Variants in SGCD observed in about 807,000 individuals in gnomAD.
SGCD encodes the protein delta-sarcoglycan.
SGCD carries 18 observed loss-of-function variants against 36.6 expected under a neutral mutation model. The ratio of observed to expected loss-of-function variants is 0.49; its 90% CI spans 0.34 to 0.73. SGCD has a LOEUF of 0.73. Ranked by LOEUF, SGCD falls within the 30% of genes least tolerant of loss-of-function variation. The pLI is 0.01. For synonymous variants in SGCD, 133 were observed against 130.6 expected (o/e 1.02, Z -0.12); for missense variants, 387 against 346.7 (o/e 1.12, Z -0.92).
At chr5:156,359,645 A>G (rs925540290) in intron 3 of SGCD, among the ~76,000 whole-genome samples, 1 of 152,136 alleles carries the variant, frequency 6.6e-6, no homozygotes. Flanking sequence ...TCAGAGCCTT[A>G]GTCTCTGTGC....
chr5:156,071,083 T>A (rs1271290869), intron 1 of SGCD, among the ~76,000 whole-genome samples: 1 of 152,196 alleles, frequency 6.6e-6, no homozygotes, highest in East Asian at 1.9e-4. Context: ...AAAAAGCAGC[T>A]CCTGGATTCA....
At chr5:156,169,316 G>C (rs1041217870) in intron 3 of SGCD, among the ~76,000 whole-genome samples, 24 of 152,142 alleles carry the variant, frequency 1.6e-4, no homozygotes, top group Admixed American at 1.6e-3. Flanking sequence ...GCTAAGCAGC[G>C]GTCTTGTCGC....
chr5:156,310,656 G>A (rs1308417372), intron 3 of SGCD, among the ~76,000 whole-genome samples: 1 of 152,140 alleles, frequency 6.6e-6, no homozygotes, highest in African/African-American at 2.4e-5. Flanking sequence ...GATTTCTGGT[G>A]CTTCTTACCT....
intron 4 of SGCD, among the ~76,000 whole-genome samples, chr5:156,527,607 CT>C (rs756056036): frequency 2.0e-5 from 3 of 152,190 alleles, no homozygotes; most frequent in Non-Finnish European, 4.4e-5. Flanking sequence ...GTCTCAGTTT[CT>C]TTATCTGTGA....
At position 156,767,615 on chromosome 5, in the gene SGCD, T is replaced by C. The variant is rs1481312385; in HGVS notation, c.*8225T>C. ...CTTTTTAGTTTTGTTTTGAATAACA[T>C]CAATCCTTGCACACTCTATGCAAAA... On this transcript the variant is annotated 3_prime_UTR_variant, in exon 9 of 9. Coordinates refer to ENST00000337851, the MANE Select transcript of SGCD (RefSeq NM_000337.6). The C allele has an allele frequency of 6.6e-6, 1 of 152,108 alleles. No individual in the cohort carries two copies. Among genetic ancestry groups the C allele is most frequent in the Non-Finnish European group, 1.5e-5 (1 of 68,012 alleles). 9.4% of individuals were successfully genotyped at this position (152,108 alleles called of 1,614,324 possible).
chr5:155,744,932 G>T, the SGCD span, among the ~76,000 whole-genome samples: 6 of 152,324 alleles, frequency 3.9e-5, no homozygotes, highest in African/African-American at 9.6e-5. Context: ...TAGACAAATT[G>T]TAGTGAAATT....
At chr5:156,639,482 A>T (rs1267703895) in intron 6 of SGCD, among the ~76,000 whole-genome samples, 3 of 152,156 alleles carry the variant, frequency 2.0e-5, no homozygotes, top group Admixed American at 6.5e-5. Context: ...GCTGGTGCCT[A>T]TATAAAAGTG....
chr5:155,823,999 A>C, the SGCD span, among the ~76,000 whole-genome samples: 2 of 152,200 alleles, frequency 1.3e-5, no homozygotes, highest in South Asian at 2.1e-4. Flanking sequence ...CCAGGACCTG[A>C]TAAAAAGTCA....
In SGCD at chr5:156,199,108, A is replaced by C. The variant is rs544735799; in HGVS notation, c.-44+75089A>C. On this transcript the variant is annotated intron_variant, in intron 3 of 9. Coordinates refer to the SGCD transcript ENST00000517913. The stretch of plus-strand genomic sequence containing the variant: ...ACCTACACACATACCTTCGCACCTC[A>C]GTGAAGAAAACATCATGAATCTGAA... Among the ~76,000 whole-genome samples the C allele has an allele frequency of 1.2e-4, 18 of 152,240 alleles. No individual in the cohort carries two copies. The East Asian group carries it at 3.5e-3, about 29-fold the overall frequency.
chr5:156,749,136 T>A (rs1357659713), intron 7 of SGCD, among the ~76,000 whole-genome samples: 1 of 152,082 alleles, frequency 6.6e-6, no homozygotes, highest in Non-Finnish European at 1.5e-5. Context: ...AAAACAATGT[T>A]CAAAAGTTCA....
At chr5:156,495,677 T>C (rs1000528248) in intron 3 of SGCD, among the ~76,000 whole-genome samples, 30 of 152,206 alleles carry the variant, frequency 2.0e-4, no homozygotes, top group Non-Finnish European at 5.9e-5. Flanking sequence ...GGTAGGAATT[T>C]AATCTGAACA....
intron 1 of SGCD, among the ~76,000 whole-genome samples, chr5:155,980,216 T>G (rs1362445293): frequency 1.3e-5 from 2 of 152,126 alleles, no homozygotes; most frequent in Non-Finnish European, 2.9e-5. Context: ...TGGTATTTTG[T>G]TGTGGCAGCC....
At chr5:155,971,688 A>T (rs80021794) in intron 1 of SGCD, among the ~76,000 whole-genome samples, 5 of 152,232 alleles carry the variant, frequency 3.3e-5, no homozygotes, top group African/African-American at 1.2e-4. Flanking sequence ...ATATACTGAT[A>T]TAATATTACC....
chr5:156,130,600 G>T (rs1467193929), intron 3 of SGCD, among the ~76,000 whole-genome samples: 4 of 152,098 alleles, frequency 2.6e-5, no homozygotes, highest in African/African-American at 9.7e-5. Context: ...TAAGTTGTAT[G>T]ACTCCATCTT....
chr5:156,529,807 C>T (rs1757810204), intron 4 of SGCD, among the ~76,000 whole-genome samples: 1 of 152,182 alleles, frequency 6.6e-6, no homozygotes, highest in Non-Finnish European at 1.5e-5. Context: ...TTTGATGCAG[C>T]ACTCTATAAA....
chr5:156,119,190 A>G (rs1761975585), intron 2 of SGCD, among the ~76,000 whole-genome samples: 1 of 152,128 alleles, frequency 6.6e-6, no homozygotes, highest in Non-Finnish European at 1.5e-5. Flanking sequence ...CAGTTAGACT[A>G]TTAGGAGACT....
the SGCD span, among the ~76,000 whole-genome samples, chr5:155,841,666 G>A: frequency 2.0e-4 from 31 of 152,110 alleles, no homozygotes; most frequent in Admixed American, 6.6e-4. Context: ...TTTCTAGTAT[G>A]CCATTTCTGA....
At chr5:156,246,234 A>G (rs1304535986) in intron 3 of SGCD, among the ~76,000 whole-genome samples, 2 of 152,172 alleles carry the variant, frequency 1.3e-5, no homozygotes, top group Admixed American at 1.3e-4. Context: ...TAAATATTTT[A>G]TGTTATTTAC....
chr5:156,344,428 T>A (rs1768833759), intron 2 of SGCD, 61 bp from the exon 3 acceptor site: 1 of 1,212,024 alleles, frequency 8.3e-7, no homozygotes, highest in African/African-American at 1.6e-5. Context: ...TTTCCTTTAT[T>A]TTTTTTCTCT....
Sources: allele counts gnomAD v4.1 joint callset (sites outside exome capture counted in the v4.1 genomes callset), GRCh38; gene constraint gnomAD v4.1.1; transcripts MANE v1.5; gene names NCBI Gene and HGNC (gene_info 2026-07-23, HGNC 2026-07-21).